Variants in ANKRD42 observed in about 807,000 individuals in gnomAD.
ANKRD42 encodes the protein ankyrin repeat domain 42.
Under a neutral mutation model 51.5 loss-of-function variants are expected in ANKRD42, and 43 were observed. The observed-to-expected ratio is 0.83, with a 90% CI of 0.65 to 1.08. The LOEUF (loss-of-function observed/expected upper bound fraction) is 1.08, where lower values mean the gene tolerates loss of function less well. ANKRD42 is among the 50% of genes least tolerant of loss of function. The pLI is 0.00. For synonymous variants in ANKRD42, 203 were observed against 213.0 expected (o/e 0.95, Z 0.41); for missense variants, 608 against 629.3 (o/e 0.97, Z 0.36).
At chr11:83,261,034 C>T (rs1376653557), downstream of ANKRD42, 1 of 152,112 alleles carries the variant, frequency 6.6e-6, no homozygotes, top group Non-Finnish European at 1.5e-5. Context: ...AATCAGAGCT[C>T]AATATTTAGC....
chr11:83,231,906 G>A (rs1031246007), intron 7 of ANKRD42, among the ~76,000 whole-genome samples: 2 of 150,134 alleles, frequency 1.3e-5, no homozygotes, highest in Non-Finnish European at 3.0e-5. Context: ...TCTATTAGTC[G>A]GGCATGATGG....
intron 1 of ANKRD42, 69 bp downstream of exon 1, chr11:83,194,797 T>C: frequency 6.8e-7 from 1 of 1,462,870 alleles, no homozygotes; most frequent in Non-Finnish European, 9.2e-7. Flanking sequence ...GCAACAGCCT[T>C]AGCCCTTTCT....
At chr11:83,227,595 T>A (rs555835497) in intron 6 of ANKRD42, 152 bp from the exon 7 acceptor site, 1 of 656,302 alleles carries the variant, frequency 1.5e-6, no homozygotes, top group Non-Finnish European at 2.5e-6. Flanking sequence ...ATTTTATAAT[T>A]CTCTTTTTAC....
chr11:83,227,494 G>C (rs915148368), intron 6 of ANKRD42, among the ~76,000 whole-genome samples: 1 of 152,108 alleles, frequency 6.6e-6, no homozygotes, highest in African/African-American at 2.4e-5. Context: ...GAGAGAGAAA[G>C]AGAGTATGGC....
At chr11:83,198,397 C>A (rs934934107) in intron 1 of ANKRD42, 82 bp from the exon 2 acceptor site, 2 of 1,353,982 alleles carry the variant, frequency 1.5e-6, no homozygotes, top group Non-Finnish European at 2.0e-6. Context: ...TAATTTTGTG[C>A]TTTCTGTTAT....
intron 4 of ANKRD42, among the ~76,000 whole-genome samples, chr11:83,210,955 A>G (rs1344683323): frequency 1.3e-5 from 2 of 152,152 alleles, no homozygotes; most frequent in Non-Finnish European, 2.9e-5. Flanking sequence ...AACTTATTAA[A>G]TATTTTTTAT....
At chr11:83,212,781 GT>G in intron 5 of ANKRD42, 1 of 1,510,116 alleles carries the variant, frequency 6.6e-7, no homozygotes, top group Non-Finnish European at 8.8e-7. Flanking sequence ...GGATCATTTT[GT>G]TTTTTTCTGA....
In ANKRD42 at chr11:83,193,810, C is replaced by T. The variant is rs1041015211; in HGVS notation, c.-861C>T. 8 of 454,704 alleles carry T rather than the reference C, an allele frequency of 1.8e-5. No homozygotes were observed. The highest frequency in any genetic ancestry group is 1.6e-4 in the African/African-American group (8 of 49,888). 28.2% of individuals were successfully genotyped at this position (454,704 alleles called of 1,614,324 possible). A position where few individuals can be genotyped will look rare whatever the true frequency, so the allele number is the denominator to read the frequency against. On this transcript the variant is annotated 5_prime_UTR_variant, in exon 1 of 11. Transcript: ENST00000533342. Reference sequence around the variant, plus strand: ...CGAGAAAGTACCAGCGGAAGGCGGCCGCCGCTACGGCGATTCGCAGGGAGT... The same window carrying T: ...CGAGAAAGTACCAGCGGAAGGCGGCTGCCGCTACGGCGATTCGCAGGGAGT...
intron 9 of ANKRD42, among the ~76,000 whole-genome samples, chr11:83,245,000 G>A (rs145489590): frequency 1.5e-3 from 229 of 152,158 alleles, no homozygotes; most frequent in African/African-American, 5.3e-3. Context: ...TGCCTCCCGG[G>A]TTCAAGTGAT....
chr11:83,261,999 G>T, downstream of ANKRD42: 1 of 1,464,174 alleles, frequency 6.8e-7, no homozygotes, highest in Non-Finnish European at 9.4e-7. Context: ...TATAGGTCTT[G>T]TATCTGTAAT....
At chr11:83,229,755 A>G (rs1332553648) in intron 7 of ANKRD42, among the ~76,000 whole-genome samples, 1 of 152,188 alleles carries the variant, frequency 6.6e-6, no homozygotes, top group Non-Finnish European at 1.5e-5. Context: ...AAGGACTCCT[A>G]GGGCTAGGAG....
At chr11:83,218,763 G>T (rs192461767) in intron 5 of ANKRD42, among the ~76,000 whole-genome samples, 139 of 152,260 alleles carry the variant, frequency 9.1e-4, no homozygotes, top group Admixed American at 8.7e-3. Context: ...GAGGCCCTCA[G>T]TACGGAGGTA....
At chr11:83,225,643 G>A (rs1225913040) in intron 6 of ANKRD42, among the ~76,000 whole-genome samples, 7 of 151,502 alleles carry the variant, frequency 4.6e-5, no homozygotes, top group African/African-American at 1.7e-4. Flanking sequence ...GGCCAGATGC[G>A]GTGGCTCACG....
In ANKRD42 at chr11:83,248,706, CT is replaced by C. The variant is rs1463331052; in HGVS notation, c.*505del. 2.1e-6 allele frequency: 2 copies of C among 974,788 alleles called. No individual in the cohort carries two copies. Among genetic ancestry groups the C allele is most frequent in the East Asian group, 1.1e-4 (1 of 8,756 alleles). 60.4% of individuals were successfully genotyped at this position (974,788 alleles called of 1,614,324 possible). On this transcript the variant is annotated 3_prime_UTR_variant, in exon 11 of 11. Transcript: ENST00000533342. ...TAGTCATTGGTCTCTTTAATAACCA[CT>C]TTAAAAATATTAAAATAATAAAACA...
chr11:83,264,095 T>C (rs1222537079), downstream of ANKRD42, among the ~76,000 whole-genome samples: 1 of 152,152 alleles, frequency 6.6e-6, no homozygotes, highest in Non-Finnish European at 1.5e-5. Context: ...CACCAAGATA[T>C]GTGTGTGTGT....
In ANKRD42 at chr11:83,231,220, C is replaced by T. The variant is rs541101596; in HGVS notation, c.913+3348C>T. 3.9e-4 allele frequency among the ~76,000 whole-genome samples: 60 copies of T among 152,194 alleles called. 1 individual carries two copies. Among genetic ancestry groups the T allele is most frequent in the Admixed American group, 1.4e-3 (22 of 15,284 alleles). On this transcript the variant is annotated intron_variant, in intron 7 of 10. Coordinates refer to ENST00000533342, the MANE Select transcript of ANKRD42 (RefSeq NM_001300975.2). ...TTTTCTCCACATCCTCACCAGCATTCGTTATTGCCTGTCTTTTGGATGTAA... is the reference window on the plus strand; with the variant it reads ...TTTTCTCCACATCCTCACCAGCATTTGTTATTGCCTGTCTTTTGGATGTAA...
In ANKRD42 at chr11:83,205,262, G is replaced by A. The variant is rs187473466; in HGVS notation, c.223-796G>A. On this transcript the variant is annotated intron_variant, in intron 2 of 10. Coordinates refer to ENST00000533342, the MANE Select transcript of ANKRD42 (RefSeq NM_001300975.2). ...ACATAATAGTCTTTTCATAAATATT[G>A]TTGAATAAATGAATGACTTACTATG... 5.3e-5 allele frequency among the ~76,000 whole-genome samples: 8 copies of A among 152,212 alleles called. No individual in the cohort carries two copies. In the East Asian group the frequency reaches 1.5e-3, roughly 29 times the overall value.
intron 7 of ANKRD42, among the ~76,000 whole-genome samples, chr11:83,232,129 G>A (rs1232108417): frequency 6.9e-6 from 1 of 145,894 alleles, no homozygotes; most frequent in East Asian, 2.0e-4. Context: ...CTATTTCCGT[G>A]CAGAATGTCA....
chr11:83,241,054 T>G (rs1863371256), intron 9 of ANKRD42, 120 bp downstream of exon 9: 11 of 1,215,898 alleles, frequency 9.0e-6, no homozygotes, highest in Non-Finnish European at 1.0e-5. Flanking sequence ...AATTTGATAT[T>G]TTTGGAGGAA....
Sources: gnomAD v4.1 joint callset for allele counts (sites outside exome capture counted in the v4.1 genomes callset) on GRCh38, gnomAD v4.1.1 for gene constraint, MANE v1.5 for transcripts, NCBI Gene and HGNC (gene_info 2026-07-23, HGNC 2026-07-21) for gene names.